VAMP3: variants seen among roughly 807,000 people sequenced by gnomAD.
VAMP3 encodes the protein vesicle-associated membrane protein 3.
A neutral mutation model predicts 18.1 loss-of-function variants in VAMP3; 11 were observed. The observed-to-expected ratio is 0.61, with a 90% CI of 0.38 to 1.00. The LOEUF (loss-of-function observed/expected upper bound fraction) is 1.00. VAMP3 is among the 50% of genes least tolerant of loss of function. The pLI, the probability that VAMP3 is intolerant of heterozygous loss-of-function variation, is 0.01. For missense variants in VAMP3, 122 were observed against 127.3 expected, an observed-to-expected ratio of 0.96 and a Z score of 0.20; for synonymous variants, 49 against 43.1, an observed-to-expected ratio of 1.14 and a Z score of -0.53.
chr1:7,777,937 A>G (rs1192798485), intron 3 of VAMP3, among the ~76,000 whole-genome samples, 181 bp from the exon 4 acceptor site: 3 of 152,242 alleles, frequency 2.0e-5, no homozygotes, highest in Non-Finnish European at 2.9e-5. Context: ...TTAAAAGCAG[A>G]TAAGTTACCT....
chr1:7,778,304 T>A (rs2097055337), intron 4 of VAMP3, 135 bp downstream of exon 4: 1 of 1,041,026 alleles, frequency 9.6e-7, no homozygotes, highest in Non-Finnish European at 1.5e-6. Context: ...GACTCATGCC[T>A]GTAATCCCAA....
chr1:7,777,813 G>A (rs1409687711), intron 3 of VAMP3, among the ~76,000 whole-genome samples: 1 of 152,190 alleles, frequency 6.6e-6, no homozygotes. Flanking sequence ...CCTCTGCCTT[G>A]TTTACAAGTG....
At chr1:7,773,336 A>T (rs2097052376) in intron 1 of VAMP3, 106 bp from the exon 2 acceptor site, 10 of 856,780 alleles carry the variant, frequency 1.2e-5, no homozygotes, top group Non-Finnish European at 1.8e-5. Context: ...TTTAGTTCTA[A>T]TGTAAGAGAT....
At position 7,779,674 on chromosome 1, in the gene VAMP3, C is replaced by G. The variant is rs368251108; in HGVS notation, c.*29C>G. ...ACCAGCGGAACTCAAAACTGCTGTTCAAGAAACCTCTTCAAGACTTTTGAC... is the reference window on the plus strand; with the variant it reads ...ACCAGCGGAACTCAAAACTGCTGTTGAAGAAACCTCTTCAAGACTTTTGAC... On this transcript the variant is annotated 3_prime_UTR_variant, in exon 5 of 5. Transcript: ENST00000054666. The G allele has an allele frequency of 9.3e-6, 15 of 1,613,902 alleles. No homozygotes were observed. In the African/African-American group the frequency reaches 1.7e-4, roughly 19 times the overall value.
At chr1:7,778,249 A>G (rs1017280290) in intron 4 of VAMP3, 80 bp downstream of exon 4, 2 of 1,554,402 alleles carry the variant, frequency 1.3e-6, no homozygotes, top group Admixed American at 3.3e-5. Flanking sequence ...ACAAGAACTC[A>G]GATTAAAATT....
chr1:7,775,493 G>T (rs149842410), intron 2 of VAMP3, among the ~76,000 whole-genome samples: 1 of 151,946 alleles, frequency 6.6e-6, no homozygotes, highest in African/African-American at 2.4e-5. Context: ...GATTACAGGC[G>T]CCCGCCACCT....
chr1:7,775,493 G>GC (rs1329973527), intron 2 of VAMP3, among the ~76,000 whole-genome samples: 1 of 151,946 alleles, frequency 6.6e-6, no homozygotes, highest in East Asian at 1.9e-4. Flanking sequence ...GATTACAGGC[G>GC]CCCGCCACCT....
chr1:7,777,725 A>G (rs1156711897), intron 3 of VAMP3, among the ~76,000 whole-genome samples: 2 of 152,222 alleles, frequency 1.3e-5, no homozygotes, highest in South Asian at 2.1e-4. Context: ...AAGAGTAGAA[A>G]GCAGCTCTCC....
chr1:7,776,062 A>G (rs1054191663), intron 2 of VAMP3, among the ~76,000 whole-genome samples: 1 of 152,202 alleles, frequency 6.6e-6, no homozygotes, highest in African/African-American at 2.4e-5. Flanking sequence ...CACTGTTTTG[A>G]TTACTGTAGC....
intron 4 of VAMP3, among the ~76,000 whole-genome samples, chr1:7,779,147 A>C (rs1331795857): frequency 1.3e-5 from 2 of 152,190 alleles, no homozygotes; most frequent in Non-Finnish European, 2.9e-5. Flanking sequence ...GTGAGCCAAG[A>C]TCATGCCACT....
intron 2 of VAMP3, chr1:7,776,520 C>T (rs2097054317): frequency 6.6e-6 from 1 of 152,196 alleles, no homozygotes; most frequent in South Asian, 2.1e-4. Context: ...ACTAATTGCT[C>T]TGTTCAGAAC....
rs1341560086 is a variant in VAMP3, at chr1:7,771,316, C to A, written c.-68C>A. The A allele has an allele frequency of 1.9e-6, 3 of 1,584,386 alleles. No individual in the cohort carries two copies. The highest frequency in any genetic ancestry group is 2.6e-6 in the Non-Finnish European group (3 of 1,168,158). On this transcript the variant is annotated 5_prime_UTR_variant, in exon 1 of 5. Transcript: ENST00000054666. ...GCGCCGTCCCACCCATCTCCCTGGC[C>A]TCCGGTCCCAACTTCGCTTCTCTGC...
chr1:7,779,056 G>A (rs2097055752), intron 4 of VAMP3, among the ~76,000 whole-genome samples: 1 of 152,124 alleles, frequency 6.6e-6, no homozygotes, highest in Admixed American at 6.5e-5. Context: ...TTAGCCGGGT[G>A]TGGTCGCGGG....
Position 7,778,139 on chromosome 1 carries a change from G to A in VAMP3, c.253G>A (p.Val85Ile), listed in dbSNP as rs767672011. Residue 85 changes from valine (V) to isoleucine (I), a missense_variant, in exon 4 of 5, where the codon GTT (valine) becomes ATT (isoleucine). Val to Ile is a conservative substitution (Grantham distance 29). Coordinates refer to ENST00000054666, the MANE Select transcript of VAMP3 (RefSeq NM_004781.4). ...NCKMWAIGIT[V>I]LVIFIIIIIV... ...ACAGATGTGGGCAATCGGGATTACT[G>A]TTCTGGTTATCTTCATCATCATCAT... 3.7e-6 allele frequency: 6 copies of A among 1,614,148 alleles called. No individual in the cohort carries two copies. The highest frequency in any genetic ancestry group is 5.1e-6 in the Non-Finnish European group (6 of 1,180,034).
chr1:7,773,411 G>T (rs1558352699), intron 1 of VAMP3, 31 bp from the exon 2 acceptor site: 1 of 1,581,844 alleles, frequency 6.3e-7, no homozygotes, highest in Non-Finnish European at 8.7e-7. Context: ...GAATCGTAAT[G>T]TACTCATGCT....
At position 7,779,848 on chromosome 1, in the gene VAMP3, T is replaced by A; in HGVS notation, c.*203T>A. On this transcript the variant is annotated 3_prime_UTR_variant, in exon 5 of 5. Transcript: ENST00000054666. ...CCGGCCCCGTCCACATTTTGCACAG[T>A]GCCTTTACAGATTTACGTATGGGCT... 1.6e-6 allele frequency: 1 copy of A among 629,618 alleles called. No homozygotes were observed. Among genetic ancestry groups the A allele is most frequent in the Non-Finnish European group, 2.7e-6 (1 of 368,846 alleles). 39.0% of individuals were successfully genotyped at this position (629,618 alleles called of 1,614,324 possible). A position where few individuals can be genotyped will look rare whatever the true frequency, so the allele number is the denominator to read the frequency against.
At chr1:7,776,332 G>A (rs1254806864) in intron 2 of VAMP3, 2 of 152,126 alleles carry the variant, frequency 1.3e-5, no homozygotes, top group African/African-American at 4.8e-5. Flanking sequence ...TTTGTTGCTG[G>A]TGTATAGAAA....
rs759864189 is a variant in VAMP3, at chr1:7,779,983, C to G, written c.*338C>G. 8.0e-6 allele frequency: 2 copies of G among 250,464 alleles called. No homozygotes were observed. Among genetic ancestry groups the G allele is most frequent in the Admixed American group, 5.4e-5 (1 of 18,680 alleles). 15.5% of individuals were successfully genotyped at this position (250,464 alleles called of 1,614,324 possible). A position where few individuals can be genotyped will look rare whatever the true frequency, so the allele number is the denominator to read the frequency against. ...TACCCTTGTCATTTGGCATTATTTTCAGAACCACATTTTAAACCTTTGGGT... is the reference window on the plus strand; with the variant it reads ...TACCCTTGTCATTTGGCATTATTTTGAGAACCACATTTTAAACCTTTGGGT... On this transcript the variant is annotated 3_prime_UTR_variant, in exon 5 of 5. Coordinates refer to ENST00000054666, the MANE Select transcript of VAMP3 (RefSeq NM_004781.4).
intron 2 of VAMP3, 30 bp from the exon 3 acceptor site, chr1:7,777,130 G>A (rs1433178747): frequency 6.3e-7 from 1 of 1,581,726 alleles, no homozygotes; most frequent in Admixed American, 1.8e-5. Flanking sequence ...CATTCTTTGT[G>A]CATTACTTGC....
Sources: gnomAD v4.1 joint callset for allele counts (sites outside exome capture counted in the v4.1 genomes callset) on GRCh38, gnomAD v4.1.1 for gene constraint, MANE v1.5 for transcripts, NCBI Gene and HGNC (gene_info 2026-07-23, HGNC 2026-07-21) for gene names.